The following AGBL4 variants were observed in gnomAD, a reference collection of about 807,000 sequenced individuals.
AGBL4 encodes AGBL carboxypeptidase 4.
AGBL4 carries 58 observed loss-of-function variants against 66.4 expected under a neutral mutation model. The ratio of observed to expected loss-of-function variants is 0.87; its 90% CI spans 0.71 to 1.09. AGBL4 has a LOEUF of 1.09. Ranked by LOEUF, AGBL4 falls within the 50% of genes least tolerant of loss-of-function variation. The pLI, the probability that AGBL4 is intolerant of heterozygous loss-of-function variation, is 0.00. For missense variants in AGBL4, 579 were observed against 631.0 expected (o/e 0.92, Z 0.88); for synonymous variants, 234 against 222.9 (o/e 1.05, Z -0.44).
intron 4 of AGBL4, among the ~76,000 whole-genome samples, chr1:49,086,406 C>T (rs555704378): frequency 6.6e-6 from 1 of 152,244 alleles, no homozygotes; most frequent in Admixed American, 6.5e-5. Context: ...TCACCCACCC[C>T]TGCTGCTGGT....
intron 1 of AGBL4, among the ~76,000 whole-genome samples, chr1:49,855,736 C>G (rs1176647229): frequency 6.6e-6 from 1 of 151,820 alleles, no homozygotes; most frequent in African/African-American, 2.4e-5. Flanking sequence ...ATACAAAAAC[C>G]TACGTGATAA....
At chr1:48,981,031 C>G (rs1285371976) in intron 5 of AGBL4, among the ~76,000 whole-genome samples, 3 of 151,994 alleles carry the variant, frequency 2.0e-5, no homozygotes, top group Non-Finnish European at 4.4e-5. Context: ...GTAATTCCTA[C>G]AGATTGGTCC....
chr1:49,829,560 T>C (rs995582656), intron 2 of AGBL4, among the ~76,000 whole-genome samples: 1 of 152,184 alleles, frequency 6.6e-6, no homozygotes, highest in African/African-American at 2.4e-5. Flanking sequence ...TGTAATGGTA[T>C]ATAGTGACAT....
chr1:48,754,700 G>A (rs745571293), intron 6 of AGBL4, among the ~76,000 whole-genome samples: 5 of 152,106 alleles, frequency 3.3e-5, no homozygotes, highest in Non-Finnish European at 5.9e-5. Flanking sequence ...AGGAAAGTGA[G>A]GTTCCTTCCC....
At chr1:49,258,532 G>A (rs1422331397) in intron 3 of AGBL4, among the ~76,000 whole-genome samples, 6 of 152,262 alleles carry the variant, frequency 3.9e-5, no homozygotes, top group South Asian at 4.2e-4. Context: ...GAGCCGATGC[G>A]ATCAACTGGA....
chr1:49,022,838 C>T (rs1663351788), intron 5 of AGBL4, among the ~76,000 whole-genome samples: 1 of 152,174 alleles, frequency 6.6e-6, no homozygotes, highest in African/African-American at 2.4e-5. Flanking sequence ...CAGCACTATG[C>T]TAGGCTCTTT....
intron 5 of AGBL4, among the ~76,000 whole-genome samples, chr1:48,899,175 C>G (rs1211244679): frequency 6.6e-6 from 1 of 152,216 alleles, no homozygotes; most frequent in African/African-American, 2.4e-5. Context: ...CGAGTGACGC[C>G]TGGCGTGTAG....
intron 2 of AGBL4, among the ~76,000 whole-genome samples, chr1:49,836,461 A>G (rs550237009): frequency 6.6e-6 from 1 of 152,062 alleles, no homozygotes. Context: ...TGATTATTCT[A>G]CTTAGCAATT....
At chr1:48,899,791 A>G (rs1570955270) in intron 5 of AGBL4, among the ~76,000 whole-genome samples, 1 of 152,234 alleles carries the variant, frequency 6.6e-6, no homozygotes, top group East Asian at 1.9e-4. Flanking sequence ...GCTAGGTGGA[A>G]TACAAAGTTA....
At chr1:49,808,562 G>A (rs996873244) in intron 2 of AGBL4, among the ~76,000 whole-genome samples, 4 of 151,958 alleles carry the variant, frequency 2.6e-5, no homozygotes, top group East Asian at 1.9e-4. Context: ...ATACATATAC[G>A]TGTGACATTC....
intron 4 of AGBL4, among the ~76,000 whole-genome samples, chr1:49,231,401 T>C (rs1650298526): frequency 1.3e-5 from 2 of 152,154 alleles, no homozygotes; most frequent in African/African-American, 4.8e-5. Context: ...CTGGATCCTA[T>C]CCCAGACCAC....
At chr1:49,817,751 C>T (rs1645267202) in intron 2 of AGBL4, among the ~76,000 whole-genome samples, 1 of 152,168 alleles carries the variant, frequency 6.6e-6, no homozygotes, top group African/African-American at 2.4e-5. Flanking sequence ...AGGCTAACAT[C>T]TAATCCCATT....
intron 3 of AGBL4, among the ~76,000 whole-genome samples, chr1:49,277,305 C>A (rs1420091708): frequency 6.6e-6 from 1 of 151,972 alleles, no homozygotes; most frequent in Non-Finnish European, 1.5e-5. Flanking sequence ...TTCAATTTCC[C>A]ACTTTTGTTA....
chr1:49,647,114 G>C (rs565690301), intron 3 of AGBL4, among the ~76,000 whole-genome samples: 54 of 151,940 alleles, frequency 3.6e-4, no homozygotes, highest in African/African-American at 1.2e-3. Context: ...CCTTGGGCTA[G>C]ACAAAAATTT....
intron 3 of AGBL4, among the ~76,000 whole-genome samples, chr1:49,366,405 GA>G (rs1342580256): frequency 1.3e-5 from 2 of 151,934 alleles, no homozygotes; most frequent in East Asian, 3.9e-4. Flanking sequence ...ATAAGAAGGA[GA>G]AAAAAAATCA....
chr1:48,572,170 C>T (rs1047647248), intron 11 of AGBL4, among the ~76,000 whole-genome samples: 2 of 151,970 alleles, frequency 1.3e-5, no homozygotes, highest in Non-Finnish European at 2.9e-5. Context: ...CAGGGACTAC[C>T]GAGCCCCTGC....
At chr1:48,961,615 A>T (rs3127548) in intron 5 of AGBL4, among the ~76,000 whole-genome samples, 1 of 152,148 alleles carries the variant, frequency 6.6e-6, no homozygotes, top group South Asian at 2.1e-4. Flanking sequence ...TCCCAGGAGG[A>T]TCCTGGCATC....
At chr1:48,585,980 T>G (rs549785541) in intron 11 of AGBL4, 1 of 152,332 alleles carries the variant, frequency 6.6e-6, no homozygotes, top group African/African-American at 2.4e-5. Flanking sequence ...AGGGGGAATT[T>G]GCAGAAATAC....
intron 3 of AGBL4, among the ~76,000 whole-genome samples, chr1:49,289,740 T>C (rs1644498286): frequency 6.6e-6 from 1 of 152,124 alleles, no homozygotes; most frequent in African/African-American, 2.4e-5. Flanking sequence ...ATTCATAGCC[T>C]TAAATTGCAT....
Sources: allele counts gnomAD v4.1 joint callset (sites outside exome capture counted in the v4.1 genomes callset), GRCh38; gene constraint gnomAD v4.1.1; transcripts MANE v1.5; gene names NCBI Gene and HGNC (gene_info 2026-07-23, HGNC 2026-07-21).